The following C1QTNF7 variants were observed in gnomAD, a reference collection of about 807,000 sequenced individuals.
C1QTNF7 encodes complement C1q tumor necrosis factor-related protein 7.
A neutral mutation model predicts 19.6 loss-of-function variants in C1QTNF7; 15 were observed. That is an observed-to-expected ratio of 0.76 (90% CI 0.51 to 1.18). C1QTNF7 has a LOEUF of 1.18. C1QTNF7 is among the 50% of genes most tolerant of loss of function. C1QTNF7 has a pLI of 0.00. For missense variants in C1QTNF7, 324 were observed against 359.7 expected (o/e 0.90, Z 0.80); for synonymous variants, 142 against 137.5 (o/e 1.03, Z -0.23).
Position 15,382,488 on chromosome 4 carries a change from A to T in C1QTNF7, c.13+42281A>T, listed in dbSNP as rs544001755. ...ATGCTGCAACCTTCAGCAAACTACC[A>T]TTTAACCTTATTCTCTCTCTTTCCT... On this transcript the variant is annotated intron_variant, in intron 1 of 2. Transcript: ENST00000295297. 1.2e-4 allele frequency among the ~76,000 whole-genome samples: 18 copies of T among 152,222 alleles called. 1 individual carries two copies. The South Asian group carries it at 3.3e-3, about 28-fold the overall frequency.
intron 1 of C1QTNF7, chr4:15,374,505 C>A: frequency 2.1e-6 from 2 of 937,808 alleles, no homozygotes; most frequent in African/African-American, 1.8e-5. Flanking sequence ...CGTCTTCTTT[C>A]GGGCTCGATC....
chr4:15,419,552 A>C (rs901069407), intron 1 of C1QTNF7, among the ~76,000 whole-genome samples: 7 of 152,228 alleles, frequency 4.6e-5, no homozygotes, highest in African/African-American at 1.7e-4. Context: ...CAAAAATAAC[A>C]GAAAGAAAGA....
At chr4:15,371,099 G>C (rs1717704067) in intron 1 of C1QTNF7, among the ~76,000 whole-genome samples, 1 of 152,248 alleles carries the variant, frequency 6.6e-6, no homozygotes, top group South Asian at 2.1e-4. Context: ...GACTGAGGCT[G>C]TTGGGGTATG....
Position 15,373,891 on chromosome 4 carries a change from A to C in C1QTNF7, c.13+33684A>C, listed in dbSNP as rs1577242535. Reference sequence around the variant, plus strand: ...ATGGAAAGGAGAAGAGAAGCATGTAAATGGGGCTGTGACGACAAAATTTCA... The same window carrying C: ...ATGGAAAGGAGAAGAGAAGCATGTACATGGGGCTGTGACGACAAAATTTCA... On this transcript the variant is annotated intron_variant, in intron 1 of 2. Transcript: ENST00000295297. The C allele has an allele frequency of 2.0e-5, 3 of 152,316 alleles. No homozygotes were observed. In the South Asian group the frequency reaches 6.2e-4, roughly 32 times the overall value. The allele number at this position is 152,316 out of a possible 1,614,324, so 9.4% of individuals were successfully genotyped here. A position where few individuals can be genotyped will look rare whatever the true frequency, so the allele number is the denominator to read the frequency against.
intron 1 of C1QTNF7, among the ~76,000 whole-genome samples, chr4:15,341,323 C>A (rs1399569231): frequency 1.3e-5 from 2 of 152,300 alleles, no homozygotes; most frequent in East Asian, 3.9e-4. Flanking sequence ...GCCTGGGACC[C>A]TGCTCTTGGG....
At chr4:15,430,690 T>C (rs1712264151) in intron 1 of C1QTNF7, among the ~76,000 whole-genome samples, 1 of 152,218 alleles carries the variant, frequency 6.6e-6, no homozygotes, top group African/African-American at 2.4e-5. Flanking sequence ...ACGTGATTTA[T>C]TCCCAGTCAA....
intron 1 of C1QTNF7, among the ~76,000 whole-genome samples, chr4:15,388,451 G>A (rs1419963187): frequency 6.6e-6 from 1 of 152,158 alleles, no homozygotes; most frequent in Non-Finnish European, 1.5e-5. Flanking sequence ...TAGACTCTAA[G>A]CAGAGTAAGG....
intron 2 of C1QTNF7, among the ~76,000 whole-genome samples, chr4:15,440,590 T>TCAAA (rs2108942219): frequency 6.6e-6 from 1 of 152,132 alleles, no homozygotes; most frequent in Non-Finnish European, 1.5e-5. Context: ...GTATTTTTAG[T>TCAAA]AGAGACGGGG....
intron 1 of C1QTNF7, among the ~76,000 whole-genome samples, chr4:15,401,912 C>T (rs1382727638): frequency 6.6e-6 from 1 of 152,064 alleles, no homozygotes; most frequent in Admixed American, 6.6e-5. Flanking sequence ...CAAGACAACA[C>T]AAACTGAAGC....
rs1261016581 is a variant in C1QTNF7 at position 15,446,125 on chromosome 4, C to T, written c.*3326C>T. 1 of 152,136 alleles carries T rather than the reference C, an allele frequency of 6.6e-6. No individual in the cohort carries two copies. Among genetic ancestry groups the T allele is most frequent in the Non-Finnish European group, 1.5e-5 (1 of 68,034 alleles). The allele number at this position is 152,136 out of a possible 1,614,324, so 9.4% of individuals were successfully genotyped here. On this transcript the variant is annotated 3_prime_UTR_variant, in exon 3 of 3. Coordinates refer to ENST00000444304, the MANE Select transcript of C1QTNF7 (RefSeq NM_031911.5). ...CTCTAAATATACTTTTTTTCTACCACTCTGTGTAAAAGATCATGAACGTAA... is the reference window on the plus strand; with the variant it reads ...CTCTAAATATACTTTTTTTCTACCATTCTGTGTAAAAGATCATGAACGTAA...
rs560268018 is a variant in C1QTNF7, at chr4:15,412,131, T to A, written c.14-23605T>A. 1.2e-4 allele frequency among the ~76,000 whole-genome samples: 18 copies of A among 152,294 alleles called. No homozygotes were observed. The South Asian group carries it at 3.5e-3, about 30-fold the overall frequency. On this transcript the variant is annotated intron_variant, in intron 1 of 2. Transcript: ENST00000295297. Reference sequence around the variant, plus strand: ...CTCCTTATGAGCATCTAATGCCCGATGATCTGTCCTGGCTCTGATCACCCC... The same window carrying A: ...CTCCTTATGAGCATCTAATGCCCGAAGATCTGTCCTGGCTCTGATCACCCC...
At chr4:15,356,927 A>G (rs1329172040) in intron 1 of C1QTNF7, among the ~76,000 whole-genome samples, 1 of 146,942 alleles carries the variant, frequency 6.8e-6, no homozygotes, top group Non-Finnish European at 1.5e-5. Flanking sequence ...TCCTTCACAC[A>G]CTTTTTGATA....
At chr4:15,421,317 G>A (rs552959095) in intron 1 of C1QTNF7, among the ~76,000 whole-genome samples, 2 of 152,124 alleles carry the variant, frequency 1.3e-5, no homozygotes, top group South Asian at 4.1e-4. Flanking sequence ...TGTGGCTGGA[G>A]TGGTTTGCAT....
chr4:15,347,392 G>C (rs1373024208), intron 1 of C1QTNF7, among the ~76,000 whole-genome samples: 1 of 152,054 alleles, frequency 6.6e-6, no homozygotes, highest in Non-Finnish European at 1.5e-5. Context: ...CTTTCCTCTG[G>C]CATTTTAAAT....
At chr4:15,434,145 G>A (rs996079888) in intron 1 of C1QTNF7, among the ~76,000 whole-genome samples, 1 of 151,804 alleles carries the variant, frequency 6.6e-6, no homozygotes, top group African/African-American at 2.4e-5. Context: ...ACCAGACAGG[G>A]CATGGCAAAA....
intron 1 of C1QTNF7, among the ~76,000 whole-genome samples, chr4:15,359,040 G>C (rs1717246373): frequency 6.6e-6 from 1 of 152,114 alleles, no homozygotes; most frequent in African/African-American, 2.4e-5. Context: ...CCAGGGGCTT[G>C]GACTCTCCTT....
At chr4:15,408,870 G>C (rs1249461012) in intron 1 of C1QTNF7, among the ~76,000 whole-genome samples, 1 of 152,154 alleles carries the variant, frequency 6.6e-6, no homozygotes, top group Non-Finnish European at 1.5e-5. Flanking sequence ...AAATTCATGT[G>C]TTGAAGCCCT....
At chr4:15,359,032 AG>A (rs1717246062) in intron 1 of C1QTNF7, among the ~76,000 whole-genome samples, 1 of 152,172 alleles carries the variant, frequency 6.6e-6, no homozygotes, top group African/African-American at 2.4e-5. Flanking sequence ...GGCATGCACC[AG>A]GGGCTTGGAC....
intron 1 of C1QTNF7, among the ~76,000 whole-genome samples, chr4:15,378,006 G>A (rs1718005937): frequency 6.6e-6 from 1 of 152,190 alleles, no homozygotes; most frequent in Admixed American, 6.5e-5. Flanking sequence ...TGCCTTTGTG[G>A]AGCTTGCACT....
Sources: allele counts gnomAD v4.1 joint callset (sites outside exome capture counted in the v4.1 genomes callset), GRCh38; gene constraint gnomAD v4.1.1; transcripts MANE v1.5; gene names NCBI Gene and HGNC (gene_info 2026-07-23, HGNC 2026-07-21).